RASSF8: variants seen among roughly 807,000 people sequenced by gnomAD.
RASSF8 encodes the protein Ras association domain family member 8.
Under a neutral mutation model 48.5 loss-of-function variants are expected in RASSF8, and 22 were observed. That is an observed-to-expected ratio of 0.45 (90% CI 0.32 to 0.65). The LOEUF (loss-of-function observed/expected upper bound fraction) is 0.65, where lower values mean the gene tolerates loss of function less well. Among genes scored for constraint, RASSF8 ranks in the 30% least tolerant of loss-of-function variants. The pLI, the probability that RASSF8 is intolerant of heterozygous loss-of-function variation, is 0.03. For missense variants in RASSF8, 418 were observed against 489.2 expected, an observed-to-expected ratio of 0.85 and a Z score of 1.37; for synonymous variants, 127 against 171.5, an observed-to-expected ratio of 0.74 and a Z score of 2.03.
At chr12:26,035,840 A>G (rs1340548848) in intron 2 of RASSF8, among the ~76,000 whole-genome samples, 1 of 143,924 alleles carries the variant, frequency 6.9e-6, no homozygotes, top group Non-Finnish European at 1.5e-5. Context: ...ATTTCATATA[A>G]TTATGTATTA....
chr12:26,049,037 C>T (rs1002980908), intron 2 of RASSF8, among the ~76,000 whole-genome samples: 13 of 152,170 alleles, frequency 8.5e-5, no homozygotes, highest in African/African-American at 3.1e-4. Context: ...GGATTACAGG[C>T]GTGAACCACT....
chr12:25,980,630 C>T (rs1272346413), intron 1 of RASSF8, among the ~76,000 whole-genome samples: 1 of 152,088 alleles, frequency 6.6e-6, no homozygotes, highest in Non-Finnish European at 1.5e-5. Flanking sequence ...AGTATCTTCC[C>T]GTTAGCTGGT....
Position 26,072,294 on chromosome 12 carries a change from G to A in RASSF8, c.*3476G>A. On this transcript the variant is annotated 3_prime_UTR_variant, in exon 6 of 6. Coordinates refer to ENST00000689635, the MANE Select transcript of RASSF8 (RefSeq NM_001394098.1). ...TTGCTACAGTATTTTTAAGTTTGGGGTGAAGGCCATCAGCTGTATCAAAAA... is the reference window on the plus strand; with the variant it reads ...TTGCTACAGTATTTTTAAGTTTGGGATGAAGGCCATCAGCTGTATCAAAAA... 1 of 985,008 alleles carries A rather than the reference G, an allele frequency of 1.0e-6. No individual in the cohort carries two copies. 61.0% of individuals were successfully genotyped at this position (985,008 alleles called of 1,614,324 possible).
At chr12:25,996,060 C>T (rs1942125592) in intron 2 of RASSF8, among the ~76,000 whole-genome samples, 1 of 152,188 alleles carries the variant, frequency 6.6e-6, no homozygotes, top group Admixed American at 6.5e-5. Flanking sequence ...AACCACAAAT[C>T]CACATCCTCA....
chr12:26,019,208 A>G (rs1942726372), intron 2 of RASSF8, among the ~76,000 whole-genome samples: 1 of 152,214 alleles, frequency 6.6e-6, no homozygotes. Flanking sequence ...TAATAGCAAA[A>G]GCATGTCACA....
chr12:26,002,867 A>G (rs11048371), intron 2 of RASSF8, among the ~76,000 whole-genome samples: 22,371 of 152,170 alleles, frequency 0.15, 2,205 homozygotes, highest in East Asian at 0.39. Flanking sequence ...AATGCTTTCA[A>G]TTTTCCTCAT....
intron 5 of RASSF8, among the ~76,000 whole-genome samples, 158 bp downstream of exon 5, chr12:26,067,871 C>A (rs888643369): frequency 2.0e-5 from 3 of 152,062 alleles, no homozygotes; most frequent in Non-Finnish European, 4.4e-5. Flanking sequence ...GCTCAGGTGA[C>A]CCTCCTACCT....
At chr12:26,009,568 A>G (rs111755568) in intron 2 of RASSF8, among the ~76,000 whole-genome samples, 3 of 152,298 alleles carry the variant, frequency 2.0e-5, no homozygotes, top group African/African-American at 7.2e-5. Flanking sequence ...GTGGATAGAA[A>G]TAGAGAGGAG....
chr12:26,000,300 A>G lies in RASSF8; in HGVS notation c.-109+5170A>G, dbSNP rs576461567. 9.8e-5 allele frequency among the ~76,000 whole-genome samples: 15 copies of G among 152,314 alleles called. No individual in the cohort carries two copies. The South Asian group carries it at 3.1e-3, about 32-fold the overall frequency. Reference sequence around the variant, plus strand: ...ATACATATACTAGAAAAGAGTGTATATGAATATCTATCTTGGGCTTGGGAG... The same window carrying G: ...ATACATATACTAGAAAAGAGTGTATGTGAATATCTATCTTGGGCTTGGGAG... On this transcript the variant is annotated intron_variant, in intron 2 of 5. Transcript: ENST00000689635.
Position 25,958,751 on chromosome 12 carries a change from G to A in RASSF8, c.-600G>A, listed in dbSNP as rs1332507016. Among the ~76,000 whole-genome samples, 5 of 146,660 alleles carry A rather than the reference G, an allele frequency of 3.4e-5. No individual in the cohort carries two copies. Among genetic ancestry groups the A allele is most frequent in the African/African-American group, 9.8e-5 (4 of 40,826 alleles). On this transcript the variant is annotated 5_prime_UTR_variant, in exon 1 of 6. Coordinates refer to ENST00000689635, the MANE Select transcript of RASSF8 (RefSeq NM_001394098.1). ...CCGCGCTCCTCCTACGCCCGCGCTC[G>A]TCCGGCGCCCCGCGCCGCGCCCCGC...
chr12:25,984,445 C>A (rs1941824043), intron 1 of RASSF8, among the ~76,000 whole-genome samples: 1 of 152,034 alleles, frequency 6.6e-6, no homozygotes. Context: ...CCGGTTCAGG[C>A]AATTCTCTGG....
intron 1 of RASSF8, among the ~76,000 whole-genome samples, chr12:25,994,481 A>G (rs1047406305): frequency 2.0e-5 from 3 of 152,212 alleles, no homozygotes; most frequent in African/African-American, 2.4e-5. Context: ...TTCTCACAGC[A>G]TTAGGCAGTA....
At chr12:26,068,597 C>A in intron 5 of RASSF8, 100 bp from the exon 6 acceptor site, 1 of 920,250 alleles carries the variant, frequency 1.1e-6, no homozygotes, top group Non-Finnish European at 1.7e-6. Context: ...TTGCTCTATG[C>A]AGTTTTCCCT....
At chr12:26,042,616 T>C (rs1270792678) in intron 2 of RASSF8, among the ~76,000 whole-genome samples, 1 of 152,202 alleles carries the variant, frequency 6.6e-6, no homozygotes, top group African/African-American at 2.4e-5. Context: ...GTGCTGATTT[T>C]TTTTTCATTT....
At chr12:26,042,380 A>T (rs1943283809) in intron 2 of RASSF8, among the ~76,000 whole-genome samples, 1 of 152,232 alleles carries the variant, frequency 6.6e-6, no homozygotes, top group Non-Finnish European at 1.5e-5. Flanking sequence ...TATAAACCAG[A>T]ATCTGAAAAT....
At chr12:26,068,115 T>C (rs762539760) in intron 5 of RASSF8, among the ~76,000 whole-genome samples, 6 of 152,164 alleles carry the variant, frequency 3.9e-5, no homozygotes, top group Non-Finnish European at 5.9e-5. Context: ...GTTAAAATAT[T>C]ACCCTAACAT....
intron 2 of RASSF8, among the ~76,000 whole-genome samples, chr12:26,016,597 C>A (rs190893593): frequency 6.5e-4 from 99 of 151,772 alleles, no homozygotes; most frequent in African/African-American, 2.2e-3. Flanking sequence ...ATTGAGTGGG[C>A]AAACTGTTTT....
At chr12:26,057,368 A>G (rs971285765) in intron 3 of RASSF8, among the ~76,000 whole-genome samples, 1 of 152,070 alleles carries the variant, frequency 6.6e-6, no homozygotes, top group Non-Finnish European at 1.5e-5. Context: ...ATGAGTGAGA[A>G]CATGTGGTGT....
chr12:25,988,018 A>ATTTTT (rs758560310), intron 1 of RASSF8, among the ~76,000 whole-genome samples: 5 of 137,896 alleles, frequency 3.6e-5, no homozygotes, highest in African/African-American at 1.3e-4. Context: ...TGCCTGGCTA[A>ATTTTT]TTTTTTTTTT....
Sources: gnomAD v4.1 joint callset for allele counts (sites outside exome capture counted in the v4.1 genomes callset) on GRCh38, gnomAD v4.1.1 for gene constraint, MANE v1.5 for transcripts, NCBI Gene and HGNC (gene_info 2026-07-23, HGNC 2026-07-21) for gene names.